Variants in C1QTNF9 observed in about 807,000 individuals in gnomAD.
C1QTNF9 encodes C1q and TNF related 9.
Under a neutral mutation model 10.1 loss-of-function variants are expected in C1QTNF9, and 6 were observed. The observed-to-expected ratio is 0.59, with a 90% CI of 0.32 to 1.17. The LOEUF is 1.17. C1QTNF9 is among the 50% of genes most tolerant of loss of function. The pLI, the probability that C1QTNF9 is intolerant of heterozygous loss-of-function variation, is 0.04. For synonymous variants in C1QTNF9, 98 were observed against 163.5 expected (o/e 0.60, Z 3.06); for missense variants, 201 against 418.8 (o/e 0.48, Z 4.54).
chr13:24,315,594 C>G (rs1367208038), intron 1 of C1QTNF9: 4 of 254,270 alleles, frequency 1.6e-5, no homozygotes. Context: ...TGCTTCACTA[C>G]TTGGAATGTG....
intron 2 of C1QTNF9, 141 bp from the exon 3 acceptor site, chr13:24,318,677 G>A (rs1375414024): frequency 6.8e-5 from 68 of 995,238 alleles, no homozygotes; most frequent in Non-Finnish European, 9.6e-5. Flanking sequence ...CTCTCCACCT[G>A]CGCTTGTGTG....
exon 4 of C1QTNF9, chr13:24,322,118 G>A (rs1164739248): frequency 4.7e-6 from 1 of 210,910 alleles, no homozygotes; most frequent in Non-Finnish European, 9.1e-6. Context: ...AGGACATTAA[G>A]GGGAAATTAG....
chr13:24,316,165 T>C (rs753637443), exon 2 of C1QTNF9: 4 of 1,597,828 alleles, frequency 2.5e-6, no homozygotes, highest in Non-Finnish European at 3.4e-6. Flanking sequence ...ACAAAGGCGA[T>C]GCAGGTACTC....
upstream of C1QTNF9, among the ~76,000 whole-genome samples, chr13:24,308,411 C>T (rs1327131621): frequency 6.6e-6 from 1 of 152,238 alleles, no homozygotes; most frequent in Admixed American, 6.5e-5. Context: ...GACTCAGGGG[C>T]TCCTTGCGTT....
rs1027769191 is a variant in C1QTNF9, at chr13:24,312,970, GA to G, written c.-22-3002del. Among the ~76,000 whole-genome samples the G allele has an allele frequency of 6.1e-4, 75 of 122,110 alleles. 1 individual carries two copies. Among genetic ancestry groups the G allele is most frequent in the African/African-American group, 9.3e-4 (33 of 35,454 alleles). The allele number at this position is 122,110 out of a possible 152,430, so 80.1% of individuals were successfully genotyped here. ...ACTCTATCTCAAAAAAAAAAAAAAAGAAAAAAAAAATAGTGCCAACCTAGGT... is the reference window on the plus strand; with the variant it reads ...ACTCTATCTCAAAAAAAAAAAAAAAGAAAAAAAAATAGTGCCAACCTAGGT... On this transcript the variant is annotated intron_variant, in intron 1 of 3. Transcript: ENST00000332018.
intron 1 of C1QTNF9, among the ~76,000 whole-genome samples, chr13:24,314,921 T>C (rs1418348478): frequency 2.1e-5 from 3 of 141,262 alleles, no homozygotes; most frequent in Admixed American, 7.1e-5. Context: ...GTGGCCCTTC[T>C]TCACAGTGGC....
chr13:24,312,965 A>AG (rs1410172743), intron 1 of C1QTNF9, among the ~76,000 whole-genome samples: 1 of 151,446 alleles, frequency 6.6e-6, no homozygotes, highest in Non-Finnish European at 1.5e-5. Flanking sequence ...AAAAAAAAAA[A>AG]AAAAGAAAAA....
chr13:24,321,798 A>G, exon 4 of C1QTNF9: 1 of 1,520,716 alleles, frequency 6.6e-7, no homozygotes, highest in South Asian at 1.3e-5. Flanking sequence ...CCGCCACACC[A>G]TCCATCAGAA....
intron 2 of C1QTNF9, 80 bp downstream of exon 2, chr13:24,316,249 T>A: frequency 6.5e-7 from 1 of 1,527,644 alleles, no homozygotes; most frequent in Non-Finnish European, 8.9e-7. Flanking sequence ...TCTGTGTGAT[T>A]TTCCACCTAC....
At chr13:24,308,962 G>A (rs759348838), upstream of C1QTNF9, among the ~76,000 whole-genome samples, 13 of 152,098 alleles carry the variant, frequency 8.5e-5, no homozygotes, top group Non-Finnish European at 7.4e-5. Context: ...ATTGTGAGAG[G>A]GGAATGGACA....
At position 24,319,796 on chromosome 13, in the gene C1QTNF9, G is replaced by A. The variant is rs190216827; in HGVS notation, c.229+916G>A. On this transcript the variant is annotated intron_variant, in intron 3 of 3. Coordinates refer to ENST00000332018, the Ensembl canonical transcript of C1QTNF9. ...GGGATGTAGTCGTAGTGGCAAACTTGTGTAATCTTCACTTTGTGCTTTTCA... is the reference window on the plus strand; with the variant it reads ...GGGATGTAGTCGTAGTGGCAAACTTATGTAATCTTCACTTTGTGCTTTTCA... Among the ~76,000 whole-genome samples the A allele has an allele frequency of 5.9e-5, 9 of 152,246 alleles. No individual in the cohort carries two copies. In the East Asian group the frequency reaches 1.7e-3, roughly 29 times the overall value.
intron 1 of C1QTNF9, among the ~76,000 whole-genome samples, chr13:24,310,180 G>T (rs1458630358): frequency 6.6e-6 from 1 of 150,574 alleles, no homozygotes; most frequent in Non-Finnish European, 1.5e-5. Flanking sequence ...TTGAGACAGA[G>T]TCTCACTCTG....
intron 1 of C1QTNF9, among the ~76,000 whole-genome samples, chr13:24,315,187 T>C (rs951510149): frequency 6.6e-6 from 1 of 152,198 alleles, no homozygotes; most frequent in African/African-American, 2.4e-5. Context: ...AGAAACTCTG[T>C]ACCCATCAAA....
chr13:24,307,257 G>A (rs373337994), upstream of C1QTNF9: 3 of 152,222 alleles, frequency 2.0e-5, no homozygotes, highest in Admixed American at 2.0e-4. Flanking sequence ...GGGCTCCGAG[G>A]GCAACCTCGG....
chr13:24,307,814 C>T (rs1877656264), upstream of C1QTNF9, among the ~76,000 whole-genome samples: 1 of 152,248 alleles, frequency 6.6e-6, no homozygotes, highest in Admixed American at 6.5e-5. Context: ...CCCTACTCTG[C>T]ACTGGCGAGA....
chr13:24,311,049 A>C (rs1038314653), intron 1 of C1QTNF9, among the ~76,000 whole-genome samples: 1 of 152,184 alleles, frequency 6.6e-6, no homozygotes, highest in Admixed American at 6.5e-5. Flanking sequence ...CCGGGAGGGC[A>C]TTCGTCCTTT....
intron 3 of C1QTNF9, among the ~76,000 whole-genome samples, chr13:24,320,389 T>C (rs1878206279): frequency 6.6e-6 from 1 of 152,170 alleles, no homozygotes; most frequent in African/African-American, 2.4e-5. Context: ...TTTTCATTTA[T>C]TTTTATTTTT....
chr13:24,317,068 A>G (rs1878066685), intron 2 of C1QTNF9, among the ~76,000 whole-genome samples: 1 of 152,200 alleles, frequency 6.6e-6, no homozygotes, highest in African/African-American at 2.4e-5. Flanking sequence ...AAGGGTCACC[A>G]GGAAGCAACA....
In C1QTNF9 at chr13:24,309,981, G is replaced by A. The variant is rs141336176; in HGVS notation, c.-23+365G>A. Among the ~76,000 whole-genome samples, 816 of 151,856 alleles carry A rather than the reference G, an allele frequency of 5.4e-3. 4 individuals are homozygous for A. The highest frequency in any genetic ancestry group is 9.1e-3 in the Non-Finnish European group (615 of 67,940). On this transcript the variant is annotated intron_variant, in intron 1 of 3. Transcript: ENST00000332018. ...CATGATTTCAGCTCACTGCAACCTC[G>A]CCTCCCGGGTTCAAGCAATTATCTG...
Sources: gnomAD v4.1 joint callset for allele counts (sites outside exome capture counted in the v4.1 genomes callset) on GRCh38, gnomAD v4.1.1 for gene constraint, MANE v1.5 for transcripts, NCBI Gene and HGNC (gene_info 2026-07-23, HGNC 2026-07-21) for gene names.